Variants in CD163 observed in about 807,000 individuals in gnomAD.
CD163 encodes CD163 molecule.
Under a neutral mutation model 129.2 loss-of-function variants are expected in CD163, and 64 were observed. The ratio of observed to expected loss-of-function variants is 0.50; its 90% CI spans 0.41 to 0.61. The LOEUF is 0.61. CD163 is among the 20% of genes least tolerant of loss of function. CD163 has a pLI of 0.00. For synonymous variants in CD163, 446 were observed against 478.5 expected, an observed-to-expected ratio of 0.93 and a Z score of 0.89; for missense variants, 1,061 against 1,377.9, an observed-to-expected ratio of 0.77 and a Z score of 3.64.
Position 7,487,477 on chromosome 12 carries a change from C to A in CD163, c.1932G>T (p.Gln644His), listed in dbSNP as rs774788119. The A allele has an allele frequency of 4.3e-5, 70 of 1,614,038 alleles. No individual in the cohort carries two copies. Among genetic ancestry groups the A allele is most frequent in the Non-Finnish European group, 5.7e-5 (67 of 1,180,036 alleles). The change falls in exon 8 of 17, where the codon CAG becomes CAT. Residue 644 changes from glutamine (Q) to histidine (H), a missense_variant. Transcript: ENST00000432237. This position sits in a 1 kb window ranked among gnomAD's most constrained non-coding sequence, Gnocchi z 5.1. ...TGCAGTGAAACATATGCCTCCAGATCTGACCATTTCCTTTTCCAAAACGTG... is the reference window on the plus strand; with the variant it reads ...TGCAGTGAAACATATGCCTCCAGATATGACCATTTCCTTTTCCAAAACGTG... ...GGARFGKGNG[Q>H]IWRHMFHCTG...
intron 16 of CD163, among the ~76,000 whole-genome samples, chr12:7,479,294 G>C (rs1309821279): frequency 4.6e-5 from 7 of 152,000 alleles, no homozygotes; most frequent in Admixed American, 4.6e-4. Flanking sequence ...GGTGCCACTT[G>C]TTACCATAAA....
chr12:7,472,493 T>C (rs1371808445), intron 16 of CD163, among the ~76,000 whole-genome samples: 1 of 152,112 alleles, frequency 6.6e-6, no homozygotes, highest in East Asian at 1.9e-4. Flanking sequence ...CTGACTGTTA[T>C]AAGAAAAACT....
At position 7,487,446 on chromosome 12, in the gene CD163, T is replaced by TC. The variant is rs1251367531; in HGVS notation, c.1962dup (p.Thr655AspfsTer2). 6.2e-7 allele frequency: 1 copy of TC among 1,613,902 alleles called. No individual in the cohort carries two copies. Among genetic ancestry groups the TC allele is most frequent in the Non-Finnish European group, 8.5e-7 (1 of 1,179,974 alleles). The stretch of plus-strand genomic sequence containing the variant: ...GGACAATCTCCCATGTGCTGCTCAG[T>TC]CCCAGTGCAGTGAAACATATGCCTC... On this transcript the variant is annotated frameshift_variant, in exon 8 of 17. Coordinates refer to ENST00000432237, the MANE Select transcript of CD163 (RefSeq NM_203416.4). LOFTEE classifies it high-confidence loss of function. The surrounding 1 kb of genome is among the most constrained non-coding windows in gnomAD (Gnocchi z 5.1).
intron 6 of CD163, among the ~76,000 whole-genome samples, chr12:7,489,498 A>G (rs1949299712): frequency 6.6e-6 from 1 of 152,124 alleles, no homozygotes; most frequent in Non-Finnish European, 1.5e-5. Context: ...CATGTATGCA[A>G]TAATTAATCC....
intron 16 of CD163, chr12:7,473,257 C>G (rs989009465): frequency 6.6e-6 from 1 of 152,054 alleles, no homozygotes; most frequent in Non-Finnish European, 1.5e-5. Context: ...AAGAGCAACC[C>G]GAAGACACAT....
chr12:7,487,303 A>T lies in CD163; in HGVS notation c.2050+56T>A. ...TCACTGCGTTTTACTTTTGTTCTTCATCCCTATGTACACCTTCTCTTAAGA... is the reference window on the plus strand; with the variant it reads ...TCACTGCGTTTTACTTTTGTTCTTCTTCCCTATGTACACCTTCTCTTAAGA... On this transcript the variant is annotated intron_variant, in intron 8 of 16. Coordinates refer to ENST00000432237, the MANE Select transcript of CD163 (RefSeq NM_203416.4). The surrounding 1 kb of genome is among the most constrained non-coding windows in gnomAD (Gnocchi z 5.1). The T allele has an allele frequency of 6.6e-7, 1 of 1,504,142 alleles. No individual in the cohort carries two copies. Among genetic ancestry groups the T allele is most frequent in the African/African-American group, 1.4e-5 (1 of 71,602 alleles). 93.2% of individuals were successfully genotyped at this position (1,504,142 alleles called of 1,614,324 possible).
chr12:7,477,534 A>G (rs1010187254), intron 16 of CD163, among the ~76,000 whole-genome samples: 9 of 152,194 alleles, frequency 5.9e-5, no homozygotes, highest in South Asian at 2.1e-4. Context: ...GGAGTTGAAC[A>G]ATGAGAACAC....
At chr12:7,502,854 C>A in intron 1 of CD163, 1 of 550,738 alleles carries the variant, frequency 1.8e-6, no homozygotes, top group Non-Finnish European at 3.2e-6. Context: ...AAAATGGAAA[C>A]AACATCAATG....
Position 7,503,652 on chromosome 12 carries a change from T to C in CD163, c.39A>G (p.Gly13=). The part of the protein sequence containing the change: ...KLRMVLLEDS[G]SADFRRHFVN... The stretch of plus-strand genomic sequence containing the variant: ...TAAATGAGAAGCTTTTACCAGCAGA[T>C]CCAGAGTCTTCAAGTAGCACCATTC... The change falls in exon 1 of 17, where the codon GGA becomes GGG. Residue 13 remains glycine, a synonymous_variant. Coordinates refer to ENST00000432237, the MANE Select transcript of CD163 (RefSeq NM_203416.4). The C allele has an allele frequency of 6.3e-7, 1 of 1,599,836 alleles. No homozygotes were observed. Among genetic ancestry groups the C allele is most frequent in the East Asian group, 2.2e-5 (1 of 44,650 alleles).
Position 7,487,911 on chromosome 12 carries a change from A to C in CD163, c.1597T>G (p.Phe533Val). Residue 533 changes from phenylalanine (F) to valine (V), a missense_variant, in exon 7 of 17, where the codon TTT (phenylalanine) becomes GTT (valine). By Grantham distance (50) the Phe-to-Val change is conservative. Transcript: ENST00000432237. This position sits in a 1 kb window ranked among gnomAD's most constrained non-coding sequence, Gnocchi z 5.1. ...CAGATCTGTCCATTTCCCTCTCCAA[A>C]GTGAGCTCCCCCCAGGATAGAGACA... ...TVVSILGGAH[F>V]GEGNGQIWAE... The C allele has an allele frequency of 6.2e-7, 1 of 1,614,054 alleles. No individual in the cohort carries two copies. The highest frequency in any genetic ancestry group is 8.5e-7 in the Non-Finnish European group (1 of 1,179,992).
intron 12 of CD163, 132 bp downstream of exon 12, chr12:7,483,235 A>C: frequency 1.1e-6 from 1 of 878,806 alleles, no homozygotes; most frequent in Non-Finnish European, 1.7e-6. Context: ...TTCAGTAGAG[A>C]CATTATGATT....
intron 6 of CD163, among the ~76,000 whole-genome samples, chr12:7,490,006 A>T (rs1379976509): frequency 6.6e-6 from 1 of 152,046 alleles, no homozygotes; most frequent in Non-Finnish European, 1.5e-5. Flanking sequence ...TACCTAGGAA[A>T]AGGCTACTTC....
chr12:7,503,069 C>T (rs138746022), intron 1 of CD163, among the ~76,000 whole-genome samples: 4 of 152,220 alleles, frequency 2.6e-5, no homozygotes, highest in Non-Finnish European at 4.4e-5. Context: ...TTGATGCTTG[C>T]CAAATAGTAG....
In CD163 at chr12:7,486,928, A is replaced by G; in HGVS notation, c.2109T>C (p.Pro703=). 1 of 1,614,164 alleles carries G rather than the reference A, an allele frequency of 6.2e-7. No homozygotes were observed. Among genetic ancestry groups the G allele is most frequent in the Non-Finnish European group, 8.5e-7 (1 of 1,179,988 alleles). Residue 703 remains proline, a synonymous_variant, in exon 9 of 17, where the codon CCT becomes CCC. Coordinates refer to ENST00000432237, the MANE Select transcript of CD163 (RefSeq NM_203416.4). The part of the protein sequence containing the change: ...CNSSSLGPTR[P]TIPEESAVAC... ...CCACAGCACTTTCTTCTGGAATGGT[A>G]GGCCTTGTTGGGCCCAAAGACGATG...
chr12:7,489,629 T>C lies in CD163; in HGVS notation c.1421-1542A>G, dbSNP rs746623197. 6.0e-4 allele frequency among the ~76,000 whole-genome samples: 91 copies of C among 152,200 alleles called. 1 individual carries two copies. Among genetic ancestry groups the C allele is most frequent in the African/African-American group, 1.8e-3 (76 of 41,552 alleles). Reference sequence around the variant, plus strand: ...ACAGAATTCAGTCTGTCAGTGAAGATAGATAATACTAAAAATAATAATCAT... The same window carrying C: ...ACAGAATTCAGTCTGTCAGTGAAGACAGATAATACTAAAAATAATAATCAT... On this transcript the variant is annotated intron_variant, in intron 6 of 16. Transcript: ENST00000432237.
At chr12:7,500,421 C>CCA (rs1555079812) in intron 3 of CD163, among the ~76,000 whole-genome samples, 6,467 of 64,228 alleles carry the variant, frequency 0.1, 247 homozygotes, top group Middle Eastern at 0.17. Flanking sequence ...CAATTCGTCC[C>CCA]AAAAAAAAAA....
chr12:7,502,464 G>C lies in CD163; in HGVS notation c.133+14C>G. 6.5e-7 allele frequency: 1 copy of C among 1,540,926 alleles called. No homozygotes were observed. The highest frequency in any genetic ancestry group is 2.2e-5 in the East Asian group (1 of 44,548). ...GTGGGCTAAGGCTGTAAGTAAATTT[G>C]ACAAAGTACTCACCAAGAGAACTGG... On this transcript the variant is annotated intron_variant, in intron 2 of 16. Transcript: ENST00000432237.
intron 16 of CD163, among the ~76,000 whole-genome samples, chr12:7,478,809 G>T (rs996656401): frequency 1.3e-5 from 2 of 151,610 alleles, no homozygotes; most frequent in African/African-American, 4.8e-5. Flanking sequence ...ATATGTAGAT[G>T]AATTATAGGA....
intron 15 of CD163, 193 bp downstream of exon 15, chr12:7,480,968 A>G (rs922589668): frequency 7.7e-7 from 1 of 1,293,412 alleles, no homozygotes; most frequent in Non-Finnish European, 9.8e-7. Flanking sequence ...TCTTAAGCTA[A>G]AGGCCTCCCT....
Sources: gnomAD v4.1 joint callset for allele counts (sites outside exome capture counted in the v4.1 genomes callset) on GRCh38, gnomAD v4.1.1 for gene constraint, Gnocchi (gnomAD v3.1) non-coding constraint, MANE v1.5 for transcripts, NCBI Gene and HGNC (gene_info 2026-07-23, HGNC 2026-07-21) for gene names.